The following RNF167 variants were observed in gnomAD, a reference collection of about 807,000 sequenced individuals.
RNF167 encodes ring finger protein 167.
In RNF167, 19 loss-of-function variants were observed where a neutral mutation model predicts 34.8. That is an observed-to-expected ratio of 0.55 (90% CI 0.38 to 0.80). RNF167 has a LOEUF of 0.80. Ranked by LOEUF, RNF167 falls within the 30% of genes least tolerant of loss-of-function variation. RNF167 has a pLI of 0.00. For synonymous variants in RNF167, 200 were observed against 170.4 expected (o/e 1.17, Z -1.35); for missense variants, 464 against 447.0 (o/e 1.04, Z -0.34).
Position 4,944,620 on chromosome 17 carries a change from G to A in RNF167, c.733G>A (p.Val245Ile). The change falls in exon 9 of 10, where the codon GTA (valine) becomes ATA (isoleucine). Residue 245 changes from valine (V) to isoleucine (I), a missense_variant. Coordinates refer to ENST00000262482, the MANE Select transcript of RNF167 (RefSeq NM_015528.3). Reference sequence around the variant, plus strand: ...ATATGAGGATGGGGACAAGCTGCGGGTACTCCCCTGTGCTCATGGTGAGGC... The same window carrying A: ...ATATGAGGATGGGGACAAGCTGCGGATACTCCCCTGTGCTCATGGTGAGGC... ...DEYEDGDKLR[V>I]LPCAHAYHSR... 2 of 1,613,510 alleles carry A rather than the reference G, an allele frequency of 1.2e-6. No individual in the cohort carries two copies.
intron 8 of RNF167, among the ~76,000 whole-genome samples, chr17:4,943,726 G>C (rs1387214217): frequency 6.6e-6 from 1 of 152,216 alleles, no homozygotes; most frequent in Admixed American, 6.5e-5. Flanking sequence ...TGGGTGACAT[G>C]ATAAAACAGA....
At chr17:4,941,774 G>C (rs1970829531) in intron 3 of RNF167, among the ~76,000 whole-genome samples, 1 of 152,070 alleles carries the variant, frequency 6.6e-6, no homozygotes, top group African/African-American at 2.4e-5. Context: ...AAAATTAGCT[G>C]GGCGTGATGG....
chr17:4,942,963 C>T lies in RNF167; in HGVS notation c.470+22C>T, dbSNP rs370528614. 207 of 1,608,346 alleles carry T rather than the reference C, an allele frequency of 1.3e-4. No individual in the cohort carries two copies. The South Asian group carries it at 1.6e-3, about 12-fold the overall frequency. On this transcript the variant is annotated intron_variant, in intron 6 of 9. Transcript: ENST00000262482. ...AGGGGTAGGACATGTGCCTCCTTCC[C>T]ATTCTTCCTTCAGCAAGCAGTTCCA...
intron 3 of RNF167, 85 bp from the exon 4 acceptor site, chr17:4,942,256 A>C (rs1970885891): frequency 1.4e-6 from 2 of 1,476,032 alleles, no homozygotes; most frequent in South Asian, 2.4e-5. Context: ...GATGTGCAGC[A>C]TGTGGGCTGG....
rs1971192159 is a variant in RNF167 at position 4,944,579 on chromosome 17, C to T, written c.692C>T (p.Ala231Val). 1.9e-6 allele frequency: 3 copies of T among 1,605,860 alleles called. No homozygotes were observed. Among genetic ancestry groups the T allele is most frequent in the Non-Finnish European group, 2.6e-6 (3 of 1,175,974 alleles). Residue 231 changes from alanine to valine, a missense_variant, in exon 9 of 10, where the codon GCC (alanine) becomes GTC (valine). Coordinates refer to ENST00000262482, the MANE Select transcript of RNF167 (RefSeq NM_015528.3). The stretch of plus-strand genomic sequence containing the variant: ...CCAGGAGACCAGTATGATGTCTGTG[C>T]CATTTGCCTGGATGAATATGAGGAT... ...YQKGDQYDVC[A>V]ICLDEYEDGD...
chr17:4,944,235 AGGGGCTG>A (rs1261972042), intron 8 of RNF167: 1 of 243,024 alleles, frequency 4.1e-6, no homozygotes, highest in Non-Finnish European at 7.4e-6. Context: ...ACCGGTACCA[AGGGGCTG>A]GGGCTTTAGG....
At chr17:4,940,175 G>C, upstream of RNF167, 2 of 381,180 alleles carry the variant, frequency 5.2e-6, no homozygotes, top group Admixed American at 4.8e-5. Context: ...TGTTTTCACC[G>C]AATTAGAATC....
In RNF167 at chr17:4,944,938, C is replaced by G; in HGVS notation, c.975C>G (p.Ala325=). 1 of 1,607,652 alleles carries G rather than the reference C, an allele frequency of 6.2e-7. No homozygotes were observed. The highest frequency in any genetic ancestry group is 8.5e-7 in the Non-Finnish European group (1 of 1,177,140). ...TTCCCACCTCCTTTGGTTCCTTAGC[C>G]CCAGCTCCCCTTGTTTTTCCTGGGC... ...PTLPTSFGSL[A]PAPLVFPGPS... is the part of the protein sequence containing the mutation. Residue 325 remains alanine, a synonymous_variant, in exon 10 of 10, where the codon GCC becomes GCG. Coordinates refer to ENST00000262482, the MANE Select transcript of RNF167 (RefSeq NM_015528.3).
chr17:4,944,539 T>A lies in RNF167; in HGVS notation c.671-19T>A. 6.4e-7 allele frequency: 1 copy of A among 1,559,644 alleles called. No homozygotes were observed. The highest frequency in any genetic ancestry group is 8.7e-7 in the Non-Finnish European group (1 of 1,152,248). On this transcript the variant is annotated intron_variant, in intron 8 of 9. Transcript: ENST00000262482. ...ATTGTGGCTCAGTGAAGGACTAGAT[T>A]ATTTTCTTTCTGTCCCAGGAGACCA...
chr17:4,944,080 CGAA>C (rs1567661080), intron 8 of RNF167, among the ~76,000 whole-genome samples: 3 of 152,214 alleles, frequency 2.0e-5, no homozygotes, highest in South Asian at 4.1e-4. Context: ...ATAAATACAA[CGAA>C]GACGGGAGAG....
At chr17:4,941,051 G>C in intron 2 of RNF167, 26 bp from the exon 3 acceptor site, 1 of 1,614,124 alleles carries the variant, frequency 6.2e-7, no homozygotes, top group Non-Finnish European at 8.5e-7. Flanking sequence ...CAGGCTGAAG[G>C]GGAACATCGC....
At chr17:4,942,697 T>G in intron 5 of RNF167, 33 bp downstream of exon 5, 1 of 1,609,376 alleles carries the variant, frequency 6.2e-7, no homozygotes, top group South Asian at 1.1e-5. Context: ...AGCTGGGCTT[T>G]CAGTAGGACC....
chr17:4,943,657 C>CA (rs1291814314), intron 8 of RNF167, 138 bp downstream of exon 8: 1 of 733,514 alleles, frequency 1.4e-6, no homozygotes, highest in Non-Finnish European at 2.3e-6. Context: ...CCTCTAATCC[C>CA]AGTACTTTGG....
At chr17:4,943,382 A>G (rs1349315726) in intron 7 of RNF167, 44 bp from the exon 8 acceptor site, 1 of 1,592,098 alleles carries the variant, frequency 6.3e-7, no homozygotes, top group Non-Finnish European at 8.6e-7. Flanking sequence ...TAGATTGTCT[A>G]GTTTTGTTCC....
intron 8 of RNF167, chr17:4,944,352 C>T: frequency 1.6e-6 from 2 of 1,254,520 alleles, no homozygotes; most frequent in Non-Finnish European, 2.0e-6. Flanking sequence ...CCCAAAAACC[C>T]ACTTCCCTTC....
chr17:4,943,654 T>A (rs1441787212), intron 8 of RNF167, 135 bp downstream of exon 8: 2 of 739,018 alleles, frequency 2.7e-6, no homozygotes, highest in East Asian at 5.4e-5. Context: ...GTGCCTCTAA[T>A]CCCAGTACTT....
In RNF167 at chr17:4,941,165, TC is replaced by T; in HGVS notation, c.165+9del. The T allele has an allele frequency of 6.2e-7, 1 of 1,610,378 alleles. No homozygotes were observed. Among genetic ancestry groups the T allele is most frequent in the Non-Finnish European group, 8.5e-7 (1 of 1,176,620 alleles). On this transcript the variant is annotated intron_variant, in intron 3 of 9. Transcript: ENST00000262482. Reference sequence around the variant, plus strand: ...AGCCAGGAGGGCCTCCAGGTGATTTTCTTTCTTTTCTTTTCCTCCTTCCCTC... The same window carrying T: ...AGCCAGGAGGGCCTCCAGGTGATTTTTTTCTTTTCTTTTCCTCCTTCCCTC...
chr17:4,944,229 G>A (rs962092273), intron 8 of RNF167, among the ~76,000 whole-genome samples: 7 of 152,324 alleles, frequency 4.6e-5, no homozygotes, highest in African/African-American at 1.7e-4. Flanking sequence ...GAAGAAACCG[G>A]TACCAAGGGG....
chr17:4,943,076 C>G, intron 6 of RNF167, 103 bp from the exon 7 acceptor site: 1 of 1,292,132 alleles, frequency 7.7e-7, no homozygotes, highest in South Asian at 1.2e-5. Context: ...TCTTCCCATT[C>G]CTGTCCCCAC....
Sources: gnomAD v4.1 joint callset for allele counts (sites outside exome capture counted in the v4.1 genomes callset) on GRCh38, gnomAD v4.1.1 for gene constraint, MANE v1.5 for transcripts, NCBI Gene and HGNC (gene_info 2026-07-23, HGNC 2026-07-21) for gene names.